Variants in ZNF728 observed in about 807,000 individuals in gnomAD.
ZNF728 encodes zinc finger protein 728.
ZNF728 carries 12 observed loss-of-function variants against 12.5 expected under a neutral mutation model. That is an observed-to-expected ratio of 0.96 (90% CI 0.61 to 1.55). The LOEUF is 1.55. Among genes scored for constraint, ZNF728 ranks in the 40% most tolerant of loss-of-function variants. ZNF728 has a pLI of 0.00. For missense variants in ZNF728, 692 were observed against 719.2 expected (o/e 0.96, Z 0.43); for synonymous variants, 205 against 240.7 (o/e 0.85, Z 1.37).
At chr19:22,980,500 G>C (rs576495617) in intron 3 of ZNF728, among the ~76,000 whole-genome samples, 1 of 152,240 alleles carries the variant, frequency 6.6e-6, no homozygotes, top group East Asian at 1.9e-4. Flanking sequence ...AGGATATTCA[G>C]GATGTGAACT....
chr19:22,987,737 T>C (rs1385576717), intron 2 of ZNF728, among the ~76,000 whole-genome samples: 2 of 152,194 alleles, frequency 1.3e-5, no homozygotes, highest in Admixed American at 6.5e-5. Flanking sequence ...AAGGTCAAGA[T>C]GAAACATCTT....
At chr19:22,982,159 A>T (rs1412141003) in intron 3 of ZNF728, among the ~76,000 whole-genome samples, 2 of 152,250 alleles carry the variant, frequency 1.3e-5, no homozygotes, top group Non-Finnish European at 2.9e-5. Context: ...TAAGCTGATA[A>T]GCAACTTCAG....
intron 3 of ZNF728, among the ~76,000 whole-genome samples, chr19:22,978,391 A>C (rs1426532308): frequency 6.6e-6 from 1 of 152,206 alleles, no homozygotes; most frequent in African/African-American, 2.4e-5. Context: ...AAAATAATCA[A>C]ATTCACAAAA....
In ZNF728 at chr19:22,975,185, T is replaced by C. The variant is rs1968779672; in HGVS notation, c.*283A>G. Among the ~76,000 whole-genome samples, 1 of 152,202 alleles carries C rather than the reference T, an allele frequency of 6.6e-6. No individual in the cohort carries two copies. Among genetic ancestry groups the C allele is most frequent in the South Asian group, 2.1e-4 (1 of 4,834 alleles). On this transcript the variant is annotated 3_prime_UTR_variant, in exon 4 of 4. Transcript: ENST00000594710. ...GAATTAGCTTATGTCTGTTAAGAAT[T>C]GAGGATCTGTTAGAGGCTTTCCCAC...
At chr19:22,988,227 A>C in intron 2 of ZNF728, 98 bp downstream of exon 2, 1 of 1,588,270 alleles carries the variant, frequency 6.3e-7, no homozygotes, top group Non-Finnish European at 8.5e-7. Context: ...GTCTGCCTTT[A>C]TTCCTGCATT....
intron 1 of ZNF728, among the ~76,000 whole-genome samples, chr19:23,000,749 T>C (rs1421051358): frequency 4.6e-5 from 7 of 151,280 alleles, no homozygotes; most frequent in African/African-American, 1.7e-4. Flanking sequence ...GCACCTGTAG[T>C]CCCACCTACT....
rs748913429 is a variant in ZNF728 at position 22,987,314 on chromosome 19, G to A, written c.220C>T (p.Pro74Ser). ...NMKRHELVKE[P>S]PVICSHFAQD... ...TGTATTCATTCTCACCTACCTGGCG[G>A]TTCTTTCACCAGCTCATGTCTCTTC... The change falls in exon 3 of 4, where the codon CCG becomes TCG. Residue 74 changes from proline (P) to serine (S), a missense_variant. Pro to Ser is a moderately conservative substitution (Grantham distance 74, BLOSUM62 -1). Around this residue, in one of 3 missense-constraint regions of ZNF728, gnomAD observed 440 missense variants for 459.6 expected, o/e 0.96. Transcript: ENST00000594710. 3.4e-5 allele frequency: 55 copies of A among 1,609,516 alleles called. No homozygotes were observed. Among genetic ancestry groups the A allele is most frequent in the Non-Finnish European group, 4.6e-5 (54 of 1,177,682 alleles).
At chr19:22,998,231 A>G (rs1370817608) in intron 1 of ZNF728, among the ~76,000 whole-genome samples, 1 of 152,134 alleles carries the variant, frequency 6.6e-6, no homozygotes, top group Non-Finnish European at 1.5e-5. Flanking sequence ...GATAAAGAAA[A>G]TATGGTATGG....
chr19:22,976,827 C>A lies in ZNF728; in HGVS notation c.510G>T (p.Lys170Asn), dbSNP rs768849558. The A allele has an allele frequency of 8.1e-6, 13 of 1,613,338 alleles. No homozygotes were observed. The East Asian group carries it at 2.9e-4, about 36-fold the overall frequency. ...SKRHKIRHTGKKLLKCKEYVR... is the reference protein window; with the variant it reads ...SKRHKIRHTGNKLLKCKEYVR... ...CATATTCTTTACATTTCAAAAGTTT[C>A]TTTCCAGTATGCCTTATCTTATGTC... The change falls in exon 4 of 4, where the codon AAG becomes AAT. Residue 170 changes from lysine (K) to asparagine (N), a missense_variant. Around this residue, in one of 3 missense-constraint regions of ZNF728, gnomAD observed 440 missense variants for 459.6 expected, o/e 0.96. Transcript: ENST00000594710.
Position 23,003,011 on chromosome 19 carries a change from G to A in ZNF728, c.3+17C>T, listed in dbSNP as rs752220171. The A allele has an allele frequency of 6.3e-7, 1 of 1,583,972 alleles. No individual in the cohort carries two copies. Among genetic ancestry groups the A allele is most frequent in the Non-Finnish European group, 8.6e-7 (1 of 1,165,654 alleles). ...GCGGCTGCCACTCTCTCGGGATGTC[G>A]GACCCGGCTGACTCACCATTTCTAG... On this transcript the variant is annotated intron_variant, in intron 1 of 3. Coordinates refer to ENST00000594710, the MANE Select transcript of ZNF728 (RefSeq NM_001267716.2).
At chr19:22,990,258 GA>G (rs571188409) in intron 1 of ZNF728, among the ~76,000 whole-genome samples, 2,731 of 143,170 alleles carry the variant, frequency 0.019, 84 homozygotes, top group African/African-American at 0.064. Context: ...ACATTTAGCT[GA>G]AAAAAAAAAA....
chr19:22,999,749 A>G (rs1969086959), intron 1 of ZNF728, among the ~76,000 whole-genome samples: 1 of 152,212 alleles, frequency 6.6e-6, no homozygotes, highest in Non-Finnish European at 1.5e-5. Flanking sequence ...TATTTTTTGT[A>G]TTAAAAATCA....
Position 22,976,058 on chromosome 19 carries a change from C to T in ZNF728, c.1279G>A (p.Glu427Lys), listed in dbSNP as rs1453552889. 1.2e-6 allele frequency: 2 copies of T among 1,606,070 alleles called. No individual in the cohort carries two copies. Among genetic ancestry groups the T allele is most frequent in the African/African-American group, 1.3e-5 (1 of 74,872 alleles). Residue 427 changes from glutamate to lysine, a missense_variant, in exon 4 of 4, where the codon GAA becomes AAA. Transcript: ENST00000594710. ...GTAGTAAAGGCTTTGCCACATTCTT[C>T]ACATTTGTAGGGTTTCTCTCCAGTA... ...IHTGEKPYKC[E>K]ECGKAFTTFS...
Position 22,975,800 on chromosome 19 carries a change from A to G in ZNF728, c.1537T>C (p.Cys513Arg). Residue 513 changes from cysteine (C) to arginine (R), a missense_variant, in exon 4 of 4, where the codon TGT becomes CGT. Cys to Arg is a radical substitution (Grantham distance 180). Transcript: ENST00000594710. ...GCAACCTTACTGAAGGCTTTGCCAC[A>G]TTCTTCACATTTGTAGGGTTTCTCT... ...TGEKPYKCEE[C>R]GKAFSKVANL... 1 of 1,612,676 alleles carries G rather than the reference A, an allele frequency of 6.2e-7. No individual in the cohort carries two copies. Among genetic ancestry groups the G allele is most frequent in the Non-Finnish European group, 8.5e-7 (1 of 1,179,934 alleles).
intron 1 of ZNF728, among the ~76,000 whole-genome samples, chr19:23,000,432 T>C (rs1047058363): frequency 2.6e-5 from 4 of 151,604 alleles, no homozygotes; most frequent in African/African-American, 9.7e-5. Context: ...AAATTCACTC[T>C]GAGAAAGAAA....
chr19:22,981,388 T>C (rs1217506654), intron 3 of ZNF728, among the ~76,000 whole-genome samples: 1 of 152,102 alleles, frequency 6.6e-6, no homozygotes, highest in Non-Finnish European at 1.5e-5. Flanking sequence ...GCAGTAATTA[T>C]TAGCCCATCA....
intron 1 of ZNF728, among the ~76,000 whole-genome samples, chr19:22,989,011 AT>A (rs1457898058): frequency 7.3e-6 from 1 of 137,926 alleles, no homozygotes; most frequent in Non-Finnish European, 1.5e-5. Flanking sequence ...AGATCATGCC[AT>A]TGCCCTCCAG....
chr19:23,000,608 A>C (rs969178189), intron 1 of ZNF728, among the ~76,000 whole-genome samples: 1 of 152,124 alleles, frequency 6.6e-6, no homozygotes, highest in African/African-American at 2.4e-5. Context: ...TCACACCTGC[A>C]ATCCCAGCAC....
chr19:22,990,535 C>G (rs1211552250), intron 1 of ZNF728, among the ~76,000 whole-genome samples: 1 of 152,178 alleles, frequency 6.6e-6, no homozygotes. Flanking sequence ...GGAGCCATCC[C>G]CTGACACAGG....
Sources: allele counts gnomAD v4.1 joint callset (sites outside exome capture counted in the v4.1 genomes callset), GRCh38; gene constraint gnomAD v4.1.1; regional missense constraint gnomAD v4.1.1; transcripts MANE v1.5; gene names NCBI Gene and HGNC (gene_info 2026-07-23, HGNC 2026-07-21).